Variants in COL24A1 observed in about 807,000 individuals in gnomAD.
COL24A1 encodes the protein collagen type XXIV alpha 1 chain.
In COL24A1, 224 loss-of-function variants were observed where a neutral mutation model predicts 253.9. The ratio of observed to expected loss-of-function variants is 0.88; its 90% confidence interval spans 0.79 to 0.99. The LOEUF is 0.99. COL24A1 is among the 50% of genes least tolerant of loss of function. COL24A1 has a pLI of 0.00. For synonymous variants in COL24A1, 685 were observed against 673.7 expected (o/e 1.02, Z -0.26); for missense variants, 2,131 against 2,068.5 (o/e 1.03, Z -0.59).
rs146949303 is a variant in COL24A1, at chr1:86,000,994, T to A, written c.2311-13340A>T. On this transcript the variant is annotated intron_variant, in intron 19 of 59. Transcript: ENST00000370571. The stretch of plus-strand genomic sequence containing the variant: ...CTTAAAGAAATAGAAATGATTCCTG[T>A]AGAGCATTTTCCATATGTTTTTATT... Among the ~76,000 whole-genome samples the A allele has an allele frequency of 3.1e-3, 477 of 152,312 alleles. 2 individuals carry two copies. The highest frequency in any genetic ancestry group is 0.011 in the African/African-American group (461 of 41,574).
intron 37 of COL24A1, among the ~76,000 whole-genome samples, chr1:85,864,573 T>C (rs1346808171): frequency 6.6e-6 from 1 of 152,154 alleles, no homozygotes; most frequent in East Asian, 1.9e-4. Flanking sequence ...ACATTTGCTA[T>C]TAAAAAAAGA....
chr1:86,078,240 A>C (rs1449526929), intron 7 of COL24A1, among the ~76,000 whole-genome samples: 1 of 152,202 alleles, frequency 6.6e-6, no homozygotes, highest in African/African-American at 2.4e-5. Flanking sequence ...GCATTTGATA[A>C]AGTTCAACAC....
intron 19 of COL24A1, among the ~76,000 whole-genome samples, chr1:86,014,541 C>A (rs374964623): frequency 6.6e-6 from 1 of 152,072 alleles, no homozygotes; most frequent in African/African-American, 2.4e-5. Flanking sequence ...CTCCTAAAGG[C>A]CTTTGAACCC....
chr1:85,819,880 C>T (rs1186334071), intron 45 of COL24A1, among the ~76,000 whole-genome samples: 1 of 148,030 alleles, frequency 6.8e-6, no homozygotes, highest in Non-Finnish European at 1.5e-5. Flanking sequence ...CAGAGTCTCA[C>T]TCTGTCACCC....
chr1:86,029,162 C>A (rs1467783854), intron 14 of COL24A1, among the ~76,000 whole-genome samples: 5 of 137,980 alleles, frequency 3.6e-5, no homozygotes, highest in Non-Finnish European at 6.3e-5. Context: ...AAAAAAAAAA[C>A]ATCACACAGA....
Position 85,875,259 on chromosome 1 carries a change from T to C in COL24A1, c.3084+18A>G, listed in dbSNP as rs776683256. The C allele has an allele frequency of 3.4e-5, 55 of 1,610,534 alleles. No individual in the cohort carries two copies. The highest frequency in any genetic ancestry group is 4.0e-5 in the Non-Finnish European group (47 of 1,176,952). ...TGGTGAAAGTTTAGAGATTCTCCTT[T>C]ATTTTTTAGAAGGTTACCTTTGCAC... On this transcript the variant is annotated intron_variant, in intron 34 of 59. Transcript: ENST00000370571.
Position 85,822,266 on chromosome 1 carries a change from C to T in COL24A1, c.3789+1270G>A, listed in dbSNP as rs1033066904. On this transcript the variant is annotated intron_variant, in intron 45 of 59. Transcript: ENST00000370571. ...ATTCAACCCCATTTTATTACTTACT[C>T]CCATAAGTGGAAAACACAAATATGG... Among the ~76,000 whole-genome samples, 4 of 152,130 alleles carry T rather than the reference C, an allele frequency of 2.6e-5. 1 individual carries two copies. The East Asian group carries it at 7.7e-4, about 29-fold the overall frequency.
At chr1:85,763,812 A>G (rs1287434637) in intron 53 of COL24A1, among the ~76,000 whole-genome samples, 1 of 151,978 alleles carries the variant, frequency 6.6e-6, no homozygotes, top group East Asian at 1.9e-4. Flanking sequence ...TTAATTTTCT[A>G]AAGGGGAACC....
At chr1:86,097,721 G>C (rs1704116920) in intron 5 of COL24A1, among the ~76,000 whole-genome samples, 1 of 148,802 alleles carries the variant, frequency 6.7e-6, no homozygotes, top group African/African-American at 2.5e-5. Flanking sequence ...AAACTCTGGA[G>C]TACCCCCCAT....
intron 7 of COL24A1, among the ~76,000 whole-genome samples, chr1:86,069,990 G>A (rs1284104864): frequency 2.0e-5 from 3 of 152,054 alleles, no homozygotes; most frequent in East Asian, 1.9e-4. Flanking sequence ...AATAAGGCAC[G>A]GGGCCAATTC....
chr1:85,980,195 T>C (rs1693107610), intron 20 of COL24A1, among the ~76,000 whole-genome samples: 1 of 152,118 alleles, frequency 6.6e-6, no homozygotes, highest in Non-Finnish European at 1.5e-5. Flanking sequence ...CTCAAGGTAA[T>C]AAAAGCCATC....
rs1303404772 is a variant in COL24A1, at chr1:85,924,793, TTC to T, written c.2563-13362_2563-13361del. Among the ~76,000 whole-genome samples the T allele has an allele frequency of 1.4e-4, 21 of 152,274 alleles. 1 individual carries two copies. The South Asian group carries it at 3.9e-3, about 29-fold the overall frequency. ...GAGATGCCCTCTCTCACCACTCTTA[TTC>T]AGCATAGTGTTGGAAGTTCTGGTCA... On this transcript the variant is annotated intron_variant, in intron 24 of 59. Transcript: ENST00000370571.
At chr1:86,151,477 C>T (rs1222049830) in intron 1 of COL24A1, among the ~76,000 whole-genome samples, 1 of 152,076 alleles carries the variant, frequency 6.6e-6, no homozygotes, top group African/African-American at 2.4e-5. Flanking sequence ...ATATTGATAG[C>T]TAACAAAATA....
intron 24 of COL24A1, among the ~76,000 whole-genome samples, chr1:85,921,335 G>C (rs1686460143): frequency 6.6e-6 from 1 of 152,226 alleles, no homozygotes; most frequent in Admixed American, 6.5e-5. Context: ...CTCACTGCTA[G>C]AGCAGCAGTC....
rs749740475 is a variant in COL24A1, at chr1:86,146,144, C to T, written c.96G>A (p.Gly32=). The part of the protein sequence containing the change: ...LLHFIVLCVA[G]VVVHAQEQGI... ...CTTGTTCTTGTGCATGAACAACCACCCCAGCCACACATAGTACAATAAAAT... is the reference window on the plus strand; with the variant it reads ...CTTGTTCTTGTGCATGAACAACCACTCCAGCCACACATAGTACAATAAAAT... The change falls in exon 2 of 60, where the codon GGG becomes GGA. Residue 32 remains glycine (G), a synonymous_variant. Coordinates refer to ENST00000370571, the MANE Select transcript of COL24A1 (RefSeq NM_152890.7). 6.2e-7 allele frequency: 1 copy of T among 1,610,832 alleles called. No homozygotes were observed. The highest frequency in any genetic ancestry group is 1.3e-5 in the African/African-American group (1 of 74,824).
intron 14 of COL24A1, chr1:86,029,991 G>A (rs941689639): frequency 2.0e-5 from 3 of 151,856 alleles, no homozygotes; most frequent in African/African-American, 4.8e-5. Flanking sequence ...GTAAGTTTCC[G>A]AAAATAGTAT....
chr1:86,038,698 A>C (rs1422359321), intron 12 of COL24A1, among the ~76,000 whole-genome samples: 1 of 152,180 alleles, frequency 6.6e-6, no homozygotes, highest in Non-Finnish European at 1.5e-5. Flanking sequence ...TTGCTGTAGT[A>C]TCTTTACACC....
At chr1:85,904,367 T>G (rs1348301113) in intron 28 of COL24A1, among the ~76,000 whole-genome samples, 1 of 152,112 alleles carries the variant, frequency 6.6e-6, no homozygotes, top group Non-Finnish European at 1.5e-5. Context: ...AATGGAGTAA[T>G]ACCAAGGGAT....
At chr1:86,000,402 C>T (rs12040977) in intron 19 of COL24A1, among the ~76,000 whole-genome samples, 57,870 of 151,992 alleles carry the variant, frequency 0.38, 11,439 homozygotes, top group East Asian at 0.58. Flanking sequence ...TTGCACATAG[C>T]AGAAACCTAA....
Sources: gnomAD v4.1 joint callset for allele counts (sites outside exome capture counted in the v4.1 genomes callset) on GRCh38, gnomAD v4.1.1 for gene constraint, MANE v1.5 for transcripts, NCBI Gene and HGNC (gene_info 2026-07-23, HGNC 2026-07-21) for gene names.